Variants in SPOCK3 observed in about 807,000 individuals in gnomAD.
SPOCK3 encodes the protein testican-3.
Under a neutral mutation model 56.6 loss-of-function variants are expected in SPOCK3, and 30 were observed. The observed-to-expected ratio is 0.53, with a 90% CI of 0.40 to 0.72. SPOCK3 has a LOEUF of 0.72. Among genes scored for constraint, SPOCK3 ranks in the 30% least tolerant of loss-of-function variants. SPOCK3 has a pLI of 0.00. For synonymous variants in SPOCK3, 196 were observed against 183.3 expected (o/e 1.07, Z -0.56); for missense variants, 527 against 530.0 (o/e 0.99, Z 0.06).
At chr4:166,790,410 G>A (rs931104438) in intron 7 of SPOCK3, among the ~76,000 whole-genome samples, 3 of 152,140 alleles carry the variant, frequency 2.0e-5, no homozygotes, top group Admixed American at 6.5e-5. Flanking sequence ...TGAGGGAGCC[G>A]AGGGACCCAG....
intron 4 of SPOCK3, among the ~76,000 whole-genome samples, chr4:166,977,716 C>G (rs1579873408): frequency 6.6e-6 from 1 of 152,056 alleles, no homozygotes; most frequent in East Asian, 1.9e-4. Flanking sequence ...AAACCTAATG[C>G]TTCTTAAATG....
intron 2 of SPOCK3, among the ~76,000 whole-genome samples, chr4:167,067,782 A>G (rs983921009): frequency 1.3e-5 from 2 of 151,836 alleles, no homozygotes; most frequent in African/African-American, 2.4e-5. Context: ...AATAGCATCA[A>G]TGCTATACTA....
intron 6 of SPOCK3, among the ~76,000 whole-genome samples, chr4:166,843,150 C>T (rs1747656283): frequency 6.6e-6 from 1 of 152,194 alleles, no homozygotes. Context: ...AGAACAAGCA[C>T]TGGCCCGCGA....
intron 6 of SPOCK3, among the ~76,000 whole-genome samples, chr4:166,834,183 C>T (rs1220165794): frequency 6.6e-6 from 1 of 152,102 alleles, no homozygotes; most frequent in African/African-American, 2.4e-5. Context: ...CAATGAAAGT[C>T]CACGGAAAAT....
intron 2 of SPOCK3, among the ~76,000 whole-genome samples, chr4:167,221,874 T>C (rs1215064890): frequency 6.6e-6 from 1 of 152,116 alleles, no homozygotes; most frequent in Non-Finnish European, 1.5e-5. Flanking sequence ...TAAAACAGCG[T>C]AACCACCACG....
intron 2 of SPOCK3, among the ~76,000 whole-genome samples, chr4:167,103,389 C>T (rs539034825): frequency 5.3e-5 from 8 of 152,132 alleles, no homozygotes; most frequent in Admixed American, 4.6e-4. Context: ...GGGGTGAATC[C>T]CAGGCCTGAC....
At chr4:166,777,233 T>A (rs574438396) in intron 7 of SPOCK3, among the ~76,000 whole-genome samples, 45 of 152,272 alleles carry the variant, frequency 3.0e-4, no homozygotes, top group African/African-American at 9.9e-4. Context: ...TTTATTTACA[T>A]GAAAAGAAAC....
intron 4 of SPOCK3, among the ~76,000 whole-genome samples, chr4:166,976,704 A>T (rs1745988310): frequency 6.6e-6 from 1 of 152,060 alleles, no homozygotes; most frequent in Non-Finnish European, 1.5e-5. Context: ...TACCTCTAGC[A>T]TAAAGAAAAG....
chr4:166,792,347 A>G, intron 6 of SPOCK3, 58 bp from the exon 7 acceptor site: 1 of 1,570,116 alleles, frequency 6.4e-7, no homozygotes, highest in Non-Finnish European at 8.7e-7. Context: ...TGTTAGTGCT[A>G]TTTCTCTCAT....
At position 166,781,075 on chromosome 4, in the gene SPOCK3, A is replaced by G. The variant is rs1157998292; in HGVS notation, c.709+11095T>C. Among the ~76,000 whole-genome samples the G allele has an allele frequency of 7.2e-5, 11 of 152,292 alleles. No individual in the cohort carries two copies. The East Asian group carries it at 1.7e-3, about 24-fold the overall frequency. On this transcript the variant is annotated intron_variant, in intron 7 of 10. Transcript: ENST00000357545. ...CGTACTAAAAGCCATGCAAAAGAAGAGGCATCACTAATTCCAGGCACAAAT... is the reference window on the plus strand; with the variant it reads ...CGTACTAAAAGCCATGCAAAAGAAGGGGCATCACTAATTCCAGGCACAAAT...
chr4:167,094,993 A>G (rs1759025987), intron 2 of SPOCK3, among the ~76,000 whole-genome samples: 2 of 152,082 alleles, frequency 1.3e-5, no homozygotes, highest in African/African-American at 4.8e-5. Flanking sequence ...CCAAGTTTGA[A>G]GGCAGAGAAA....
At chr4:167,101,168 T>C (rs1261191675) in intron 2 of SPOCK3, among the ~76,000 whole-genome samples, 2 of 152,162 alleles carry the variant, frequency 1.3e-5, no homozygotes, top group Admixed American at 1.3e-4. Flanking sequence ...TGCAAAGGCC[T>C]AGACATGGAG....
At chr4:167,224,507 C>A (rs1252808248) in intron 2 of SPOCK3, among the ~76,000 whole-genome samples, 1 of 152,008 alleles carries the variant, frequency 6.6e-6, no homozygotes, top group Non-Finnish European at 1.5e-5. Flanking sequence ...TTTGTATATG[C>A]CACTCGTTAT....
chr4:166,931,880 T>A (rs192684910), intron 4 of SPOCK3, among the ~76,000 whole-genome samples: 139 of 152,332 alleles, frequency 9.1e-4, no homozygotes, highest in African/African-American at 3.1e-3. Context: ...GCCCTCTCCA[T>A]TACTATTGGA....
chr4:167,232,852 A>C (rs1463583409), intron 2 of SPOCK3, among the ~76,000 whole-genome samples: 3 of 152,160 alleles, frequency 2.0e-5, no homozygotes, highest in Admixed American at 6.6e-5. Context: ...AGAGGCTGAG[A>C]GAATGGGTTA....
At chr4:166,885,655 G>C (rs1734113312) in intron 6 of SPOCK3, among the ~76,000 whole-genome samples, 1 of 128,872 alleles carries the variant, frequency 7.8e-6, no homozygotes, top group African/African-American at 3.0e-5. Flanking sequence ...CTCTATTCAG[G>C]CTTCACTGAA....
intron 2 of SPOCK3, among the ~76,000 whole-genome samples, chr4:167,177,619 T>C (rs1234257736): frequency 6.6e-6 from 1 of 152,100 alleles, no homozygotes; most frequent in Non-Finnish European, 1.5e-5. Context: ...AATAAGTCTA[T>C]GATTAGGTAT....
intron 3 of SPOCK3, among the ~76,000 whole-genome samples, chr4:167,031,102 T>C (rs1334484001): frequency 1.3e-5 from 2 of 152,090 alleles, no homozygotes. Flanking sequence ...CCTTAATGTT[T>C]AGATAAATTC....
intron 6 of SPOCK3, among the ~76,000 whole-genome samples, chr4:166,862,596 GA>G (rs1268226574): frequency 1.3e-5 from 2 of 151,810 alleles, no homozygotes; most frequent in African/African-American, 4.8e-5. Context: ...TAAATATTGG[GA>G]AAATGACTTA....
Sources: gnomAD v4.1 joint callset for allele counts (sites outside exome capture counted in the v4.1 genomes callset) on GRCh38, gnomAD v4.1.1 for gene constraint, MANE v1.5 for transcripts, NCBI Gene and HGNC (gene_info 2026-07-23, HGNC 2026-07-21) for gene names.